Variants in MAU2 observed in about 807,000 individuals in gnomAD.
MAU2 encodes MAU2 chromatid cohesion factor homolog.
A neutral mutation model predicts 89.1 loss-of-function variants in MAU2; 9 were observed. That is an observed-to-expected ratio of 0.10 (90% CI 0.06 to 0.18). The LOEUF (loss-of-function observed/expected upper bound fraction) is 0.18. MAU2 is among the 10% of genes least tolerant of loss of function. The pLI, the probability that MAU2 is intolerant of heterozygous loss-of-function variation, is 1.00. For missense variants in MAU2, 425 were observed against 803.5 expected, an observed-to-expected ratio of 0.53 and a Z score of 5.69; for synonymous variants, 357 against 343.4, an observed-to-expected ratio of 1.04 and a Z score of -0.44.
At position 19,344,867 on chromosome 19, in the gene MAU2, C is replaced by T; in HGVS notation, c.1096C>T (p.Leu366=). ...ALQEISQVCQ[L]CQQSPRLFSN... is the part of the protein sequence containing the mutation. ...CCGGCAGATCTCCCAGGTCTGCCAG[C>T]TGTGCCAGCAGTCCCCCCGGCTCTT... Residue 366 remains leucine, a synonymous_variant, in exon 11 of 19, where the codon CTG becomes TTG. Coordinates refer to ENST00000262815, the MANE Select transcript of MAU2 (RefSeq NM_015329.4). 6.2e-7 allele frequency: 1 copy of T among 1,613,750 alleles called. No homozygotes were observed. Among genetic ancestry groups the T allele is most frequent in the Non-Finnish European group, 8.5e-7 (1 of 1,179,956 alleles).
chr19:19,345,289 AC>A lies in MAU2; in HGVS notation c.1156-13del, dbSNP rs1381710601. 4 of 1,612,842 alleles carry A rather than the reference AC, an allele frequency of 2.5e-6. No individual in the cohort carries two copies. The highest frequency in any genetic ancestry group is 3.4e-6 in the Non-Finnish European group (4 of 1,179,162). ...CCCAGGGGCCGGCCCTGATGACAAC[AC>A]CACCTTCTTCCAGGGCCTGTACTGT... is the stretch of plus-strand genomic sequence containing the variant. On this transcript the variant is annotated splice_polypyrimidine_tract_variant and intron_variant, in intron 11 of 18. Coordinates refer to ENST00000262815, the MANE Select transcript of MAU2 (RefSeq NM_015329.4). The surrounding 1 kb of genome is among the most constrained non-coding windows in gnomAD (Gnocchi z 4.9).
At chr19:19,326,721 C>CGTATATATAT (rs1555792868) in intron 1 of MAU2, among the ~76,000 whole-genome samples, 1 of 80,992 alleles carries the variant, frequency 1.2e-5, no homozygotes, top group African/African-American at 4.1e-5. Flanking sequence ...TATATATATA[C>CGTATATATAT]ATATATATAT....
intron 1 of MAU2, among the ~76,000 whole-genome samples, chr19:19,330,591 T>C (rs1568651687): frequency 6.6e-6 from 1 of 151,932 alleles, no homozygotes; most frequent in Admixed American, 6.6e-5. Flanking sequence ...AAATACAAAA[T>C]TAGCCAGGCG....
chr19:19,342,552 G>C lies in MAU2; in HGVS notation c.753G>C (p.Pro251=). The C allele has an allele frequency of 6.3e-7, 1 of 1,597,532 alleles. No homozygotes were observed. Among genetic ancestry groups the C allele is most frequent in the Non-Finnish European group, 8.5e-7 (1 of 1,171,374 alleles). ...CTGCACAGGTGAAGAGCGTGAAGCC[G>C]TGTCTGAAGCAGCTGCAGCAGTGCA... ...LDAGQVKSVK[P]CLKQLQQCIQ... The change falls in exon 8 of 19, where the codon CCG becomes CCC. Residue 251 remains proline (P), a synonymous_variant. Transcript: ENST00000262815.
chr19:19,323,437 G>A (rs1235262382), intron 1 of MAU2, among the ~76,000 whole-genome samples: 1 of 152,140 alleles, frequency 6.6e-6, no homozygotes, highest in Non-Finnish European at 1.5e-5. Context: ...CAAGTGATCC[G>A]CCCATCTTGT....
chr19:19,347,129 C>T (rs1039582930), intron 12 of MAU2, 151 bp from the exon 13 acceptor site: 1 of 615,804 alleles, frequency 1.6e-6, no homozygotes. Context: ...CTGTGTTATC[C>T]TTGAGCTTAG....
At chr19:19,329,160 G>A (rs143711701) in intron 1 of MAU2, 4 of 455,136 alleles carry the variant, frequency 8.8e-6, no homozygotes, top group African/African-American at 4.0e-5. Flanking sequence ...CAGGCCCAGC[G>A]TAAGCAGTTC....
intron 3 of MAU2, among the ~76,000 whole-genome samples, chr19:19,336,431 C>G (rs1291767015): frequency 1.3e-5 from 2 of 151,990 alleles, no homozygotes; most frequent in African/African-American, 4.8e-5. Context: ...TCCCGAGCAG[C>G]TGGGACTATA....
intron 13 of MAU2, 94 bp from the exon 14 acceptor site, chr19:19,348,795 G>A: frequency 7.4e-7 from 1 of 1,347,172 alleles, no homozygotes; most frequent in Non-Finnish European, 1.1e-6. Flanking sequence ...GTCCCGACGG[G>A]GGTGTAGAGA....
At position 19,321,500 on chromosome 19, in the gene MAU2, C is replaced by T. The variant is rs569416634; in HGVS notation, c.276+365C>T. ...CATCACAGGGTCCTGAAGCTATTAGCTCCTCCTGGTTCAGCTTCCGGAGCA... is the reference window on the plus strand; with the variant it reads ...CATCACAGGGTCCTGAAGCTATTAGTTCCTCCTGGTTCAGCTTCCGGAGCA... On this transcript the variant is annotated intron_variant, in intron 1 of 18. Coordinates refer to ENST00000262815, the MANE Select transcript of MAU2 (RefSeq NM_015329.4). The T allele has an allele frequency of 3.1e-5, 6 of 191,236 alleles. No individual in the cohort carries two copies. In the East Asian group the frequency reaches 5.2e-4, roughly 17 times the overall value. The allele number at this position is 191,236 out of a possible 1,614,324, so 11.8% of individuals were successfully genotyped here.
chr19:19,342,395 C>T (rs902944828), intron 7 of MAU2, 140 bp from the exon 8 acceptor site: 33 of 1,041,206 alleles, frequency 3.2e-5, no homozygotes, highest in East Asian at 2.8e-4. Context: ...GCGGCAGGGG[C>T]GGCTTCATCT....
At chr19:19,355,170 T>C in intron 17 of MAU2, 94 bp from the exon 18 acceptor site, 1 of 1,512,380 alleles carries the variant, frequency 6.6e-7, no homozygotes, top group East Asian at 2.3e-5. Flanking sequence ...CCAGTGCAGC[T>C]GGGACTTGAC....
In MAU2 at chr19:19,345,277, C is replaced by T. The variant is rs760432154; in HGVS notation, c.1156-27C>T. On this transcript the variant is annotated intron_variant, in intron 11 of 18. Transcript: ENST00000262815. The surrounding 1 kb of genome is among the most constrained non-coding windows in gnomAD (Gnocchi z 4.9). ...CTGAGCCCCCTCCCCAGGGGCCGGC[C>T]CTGATGACAACACCACCTTCTTCCA... 9 of 1,608,818 alleles carry T rather than the reference C, an allele frequency of 5.6e-6. No individual in the cohort carries two copies. Among genetic ancestry groups the T allele is most frequent in the Non-Finnish European group, 6.8e-6 (8 of 1,175,568 alleles).
Position 19,348,928 on chromosome 19 carries a change from T to A in MAU2, c.1348T>A (p.Phe450Ile). The A allele has an allele frequency of 6.2e-7, 1 of 1,613,744 alleles. No individual in the cohort carries two copies. Among genetic ancestry groups the A allele is most frequent in the Non-Finnish European group, 8.5e-7 (1 of 1,179,952 alleles). ...GGAGAGGATCAACCCGGACCACAGC[T>A]TCCCTGTCAGGTGAGCCGCTCCAGG... ...LLERINPDHS[F>I]PVSSHCLRAA... Residue 450 changes from phenylalanine to isoleucine, a missense_variant, in exon 14 of 19, where the codon TTC (phenylalanine) becomes ATC (isoleucine). Phe to Ile is a conservative substitution (Grantham distance 21). Transcript: ENST00000262815.
intron 1 of MAU2, among the ~76,000 whole-genome samples, chr19:19,333,700 G>A (rs540542814): frequency 6.6e-6 from 1 of 152,352 alleles, no homozygotes; most frequent in South Asian, 2.1e-4. Context: ...GACTGGAAAG[G>A]AAAGCTTCTC....
chr19:19,327,362 G>T (rs2061519690), intron 1 of MAU2, among the ~76,000 whole-genome samples: 1 of 150,824 alleles, frequency 6.6e-6, no homozygotes, highest in Non-Finnish European at 1.5e-5. Context: ...GTCTCGCTCT[G>T]TCGCCCAGGC....
chr19:19,332,394 A>G (rs1327684745), intron 1 of MAU2, among the ~76,000 whole-genome samples: 1 of 149,262 alleles, frequency 6.7e-6, no homozygotes, highest in Non-Finnish European at 1.5e-5. Flanking sequence ...GGCCGGTCAC[A>G]AAAAGAGGGG....
intron 16 of MAU2, among the ~76,000 whole-genome samples, chr19:19,349,913 C>T (rs1036218096): frequency 6.6e-6 from 1 of 151,920 alleles, no homozygotes; most frequent in African/African-American, 2.4e-5. Flanking sequence ...TGGGACTGGC[C>T]GCCTCAGTCC....
At chr19:19,324,654 C>G (rs932381433) in intron 1 of MAU2, among the ~76,000 whole-genome samples, 1 of 152,204 alleles carries the variant, frequency 6.6e-6, no homozygotes, top group Non-Finnish European at 1.5e-5. Flanking sequence ...ATAATTTAAA[C>G]CCTTCTCCTT....
Sources: allele counts gnomAD v4.1 joint callset (sites outside exome capture counted in the v4.1 genomes callset), GRCh38; gene constraint gnomAD v4.1.1; non-coding constraint Gnocchi (gnomAD v3.1); transcripts MANE v1.5; gene names NCBI Gene and HGNC (gene_info 2026-07-23, HGNC 2026-07-21).